Variants in SAV1 observed in about 807,000 individuals in gnomAD.
SAV1 encodes protein salvador homolog 1.
Under a neutral mutation model 47.3 loss-of-function variants are expected in SAV1, and 23 were observed. That is an observed-to-expected ratio of 0.49 (90% CI 0.35 to 0.69). SAV1 has a LOEUF of 0.69. Ranked by LOEUF, SAV1 falls within the 30% of genes least tolerant of loss-of-function variation. The probability of loss-of-function intolerance (pLI) is 0.01; values close to 1 mark genes in which losing one functional copy is unlikely to be tolerated. For missense variants in SAV1, 448 were observed against 457.4 expected, an observed-to-expected ratio of 0.98 and a Z score of 0.19; for synonymous variants, 155 against 159.2, an observed-to-expected ratio of 0.97 and a Z score of 0.20.
chr14:50,656,440 A>ATTTTTT (rs11288683), intron 2 of SAV1, among the ~76,000 whole-genome samples: 1 of 120,600 alleles, frequency 8.3e-6, no homozygotes, highest in African/African-American at 3.0e-5. Context: ...CCCCAACTGT[A>ATTTTTT]TTTTTTTTTT....
intron 2 of SAV1, among the ~76,000 whole-genome samples, chr14:50,660,997 T>C (rs545124810): frequency 6.6e-6 from 1 of 152,356 alleles, no homozygotes; most frequent in Non-Finnish European, 1.5e-5. Context: ...CCGGATCATA[T>C]GGTAGTTCTG....
At chr14:50,657,177 G>A (rs774005309) in intron 2 of SAV1, among the ~76,000 whole-genome samples, 10 of 152,038 alleles carry the variant, frequency 6.6e-5, no homozygotes, top group Non-Finnish European at 1.3e-4. Context: ...TGGGATTACA[G>A]GCACACACCA....
intron 2 of SAV1, among the ~76,000 whole-genome samples, chr14:50,650,970 C>T (rs1226596530): frequency 6.6e-6 from 1 of 151,620 alleles, no homozygotes; most frequent in African/African-American, 2.4e-5. Context: ...TGCAGTGAGC[C>T]GAGAGCGCGC....
chr14:50,660,830 CAT>C (rs2039853816), intron 2 of SAV1, among the ~76,000 whole-genome samples: 2 of 152,222 alleles, frequency 1.3e-5, no homozygotes, highest in Non-Finnish European at 1.5e-5. Context: ...TGAGTAAGAA[CAT>C]GAGACACTTC....
chr14:50,667,373 G>T (rs1419053748), intron 1 of SAV1: 2 of 455,380 alleles, frequency 4.4e-6, no homozygotes, highest in Non-Finnish European at 8.8e-6. Flanking sequence ...ACGACGGTAT[G>T]CTTTTCACCT....
intron 2 of SAV1, among the ~76,000 whole-genome samples, chr14:50,649,271 C>G (rs999242724): frequency 6.6e-6 from 1 of 152,166 alleles, no homozygotes; most frequent in African/African-American, 2.4e-5. Flanking sequence ...AGCACTTTAA[C>G]CTTTTAACTT....
chr14:50,666,586 C>T (rs1302227867), intron 1 of SAV1, among the ~76,000 whole-genome samples: 1 of 152,122 alleles, frequency 6.6e-6, no homozygotes, highest in African/African-American at 2.4e-5. Context: ...AAGTTATTTG[C>T]TTAACTGTGA....
At chr14:50,647,695 C>A (rs1267760040) in intron 2 of SAV1, among the ~76,000 whole-genome samples, 2 of 152,066 alleles carry the variant, frequency 1.3e-5, no homozygotes, top group Non-Finnish European at 2.9e-5. Flanking sequence ...TGCTCAGGAT[C>A]ATAATTAGCC....
At position 50,645,937 on chromosome 14, in the gene SAV1, T is replaced by C. The variant is rs78519157; in HGVS notation, c.536-923A>G. Among the ~76,000 whole-genome samples, 201 of 152,312 alleles carry C rather than the reference T, an allele frequency of 1.3e-3. 5 individuals carry two copies. The East Asian group carries it at 0.036, about 28-fold the overall frequency. ...AATTTATAATAGCTCCAAAGAATTG[T>C]GCAGGACCAATATGCTAAAAACTAC... On this transcript the variant is annotated intron_variant, in intron 2 of 4. Transcript: ENST00000324679.
chr14:50,638,453 A>G (rs1401489220), intron 4 of SAV1, among the ~76,000 whole-genome samples: 1 of 152,196 alleles, frequency 6.6e-6, no homozygotes, highest in Non-Finnish European at 1.5e-5. Flanking sequence ...AGTTGCTATA[A>G]TGCTACCAAA....
At position 50,633,646 on chromosome 14, in the gene SAV1, A is replaced by G. The variant is rs2039606276; in HGVS notation, c.*1537T>C. On this transcript the variant is annotated 3_prime_UTR_variant, in exon 5 of 5. Transcript: ENST00000324679. ...CAAAAACCACGCGCTTAGTTTCCAC[A>G]AAAATATATTTAATAAGCTTGTTAT... The G allele has an allele frequency of 6.5e-6, 1 of 152,674 alleles. No homozygotes were observed. The highest frequency in any genetic ancestry group is 2.4e-5 in the African/African-American group (1 of 41,452). 9.5% of individuals were successfully genotyped at this position (152,674 alleles called of 1,614,324 possible).
intron 2 of SAV1, among the ~76,000 whole-genome samples, chr14:50,655,745 A>G (rs987680514): frequency 1.3e-5 from 2 of 152,092 alleles, no homozygotes; most frequent in African/African-American, 4.8e-5. Flanking sequence ...AAGCCTTTAT[A>G]GTAATTAAAA....
chr14:50,657,309 C>T (rs2039821415), intron 2 of SAV1, among the ~76,000 whole-genome samples: 1 of 152,098 alleles, frequency 6.6e-6, no homozygotes, highest in Admixed American at 6.5e-5. Flanking sequence ...CTGGGAAATA[C>T]TCACTCTTAC....
At chr14:50,667,129 C>G (rs2039907985) in intron 1 of SAV1, among the ~76,000 whole-genome samples, 2 of 150,334 alleles carry the variant, frequency 1.3e-5, no homozygotes, top group South Asian at 4.3e-4. Context: ...AGATTCAACT[C>G]AAAAATCAAA....
intron 1 of SAV1, chr14:50,667,358 C>T: frequency 2.2e-6 from 1 of 452,896 alleles, no homozygotes; most frequent in African/African-American, 2.0e-5. Flanking sequence ...GTGGCGGCTA[C>T]AAGAACGACG....
At chr14:50,657,438 G>C (rs923983490) in intron 2 of SAV1, among the ~76,000 whole-genome samples, 1 of 152,158 alleles carries the variant, frequency 6.6e-6, no homozygotes, top group African/African-American at 2.4e-5. Flanking sequence ...TTACAGATGA[G>C]AAAACAGGTT....
At chr14:50,638,203 G>T (rs1225649419) in intron 4 of SAV1, among the ~76,000 whole-genome samples, 1 of 152,086 alleles carries the variant, frequency 6.6e-6, no homozygotes, top group Non-Finnish European at 1.5e-5. Context: ...TCACCTAAGT[G>T]TTCCTTCTTT....
chr14:50,654,289 T>G (rs961732830), intron 2 of SAV1, among the ~76,000 whole-genome samples: 2 of 152,260 alleles, frequency 1.3e-5, no homozygotes, highest in African/African-American at 4.8e-5. Flanking sequence ...TTTAATATCC[T>G]AAATCATTAG....
At chr14:50,635,570 G>GT (rs1266705346) in intron 4 of SAV1, among the ~76,000 whole-genome samples, 186 bp from the exon 5 acceptor site, 2 of 152,024 alleles carry the variant, frequency 1.3e-5, no homozygotes, top group African/African-American at 4.8e-5. Context: ...GGAGGCTGAG[G>GT]TGGGAGGCTG....
Sources: allele counts gnomAD v4.1 joint callset (sites outside exome capture counted in the v4.1 genomes callset), GRCh38; gene constraint gnomAD v4.1.1; transcripts MANE v1.5; gene names NCBI Gene and HGNC (gene_info 2026-07-23, HGNC 2026-07-21).